Variants in TC2N observed in about 807,000 individuals in gnomAD.
The protein encoded by TC2N is tandem C2 domains, nuclear, also known as tandem C2 domains nuclear protein.
Under a neutral mutation model 61.9 loss-of-function variants are expected in TC2N, and 51 were observed. That is an observed-to-expected ratio of 0.82 (90% CI 0.66 to 1.04). The LOEUF (loss-of-function observed/expected upper bound fraction) is 1.04. Among genes scored for constraint, TC2N ranks in the 50% least tolerant of loss-of-function variants. TC2N has a pLI of 0.00. For synonymous variants in TC2N, 204 were observed against 192.6 expected (o/e 1.06, Z -0.49); for missense variants, 556 against 566.7 (o/e 0.98, Z 0.19).
At chr14:91,848,820 T>C (rs1888319113) in intron 1 of TC2N, among the ~76,000 whole-genome samples, 1 of 152,212 alleles carries the variant, frequency 6.6e-6, no homozygotes, top group Admixed American at 6.5e-5. Context: ...TTCGTATCAT[T>C]TGTTGCTGCA....
Position 91,782,813 on chromosome 14 carries a change from T to C in TC2N, c.*287A>G, listed in dbSNP as rs898973277. 9.9e-6 allele frequency: 3 copies of C among 301,564 alleles called. No homozygotes were observed. Among genetic ancestry groups the C allele is most frequent in the East Asian group, 7.0e-5 (1 of 14,334 alleles). The allele number at this position is 301,564 out of a possible 1,614,324, so 18.7% of individuals were successfully genotyped here. ...ATAATATAGAAAGAACTATCTATGG[T>C]TGATATTCTCACAGACTTTATAATT... is the stretch of plus-strand genomic sequence containing the variant. On this transcript the variant is annotated 3_prime_UTR_variant, in exon 12 of 12. Coordinates refer to ENST00000435962, the MANE Select transcript of TC2N (RefSeq NM_001128596.3).
At chr14:91,850,426 T>A (rs949483846) in intron 1 of TC2N, among the ~76,000 whole-genome samples, 5 of 152,216 alleles carry the variant, frequency 3.3e-5, no homozygotes, top group African/African-American at 1.2e-4. Context: ...AGTACCAGCC[T>A]GTGGCCTATT....
intron 8 of TC2N, among the ~76,000 whole-genome samples, chr14:91,796,283 C>T (rs1043004545): frequency 6.6e-6 from 1 of 151,976 alleles, no homozygotes; most frequent in Non-Finnish European, 1.5e-5. Flanking sequence ...CATATATACA[C>T]ATTCATACAC....
At chr14:91,784,331 A>C (rs1952589685) in intron 11 of TC2N, among the ~76,000 whole-genome samples, 1 of 152,190 alleles carries the variant, frequency 6.6e-6, no homozygotes, top group African/African-American at 2.4e-5. Context: ...CTTAAATTCA[A>C]GCTCTTTTCC....
At chr14:91,789,935 G>C (rs189507724) in intron 9 of TC2N, among the ~76,000 whole-genome samples, 144 of 152,242 alleles carry the variant, frequency 9.5e-4, no homozygotes, top group African/African-American at 3.4e-3. Context: ...AGAACATCAC[G>C]ATCTGGTGAT....
At chr14:91,814,684 AG>A (rs1435193494) in intron 1 of TC2N, among the ~76,000 whole-genome samples, 3 of 151,648 alleles carry the variant, frequency 2.0e-5, no homozygotes, top group African/African-American at 7.2e-5. Flanking sequence ...AGATGAGAAA[AG>A]GGGAAAAAGA....
intron 1 of TC2N, among the ~76,000 whole-genome samples, chr14:91,863,829 C>CAAA (rs35582740): frequency 2.3e-4 from 14 of 60,988 alleles, no homozygotes; most frequent in Non-Finnish European, 3.4e-4. Flanking sequence ...TCCATCTCTA[C>CAAA]AAAAAAAAAA....
At chr14:91,844,760 CAAAAAAAA>C (rs34223127) in intron 1 of TC2N, among the ~76,000 whole-genome samples, 2 of 92,558 alleles carry the variant, frequency 2.2e-5, no homozygotes, top group Non-Finnish European at 4.1e-5. Context: ...GACTCTGTCT[CAAAAAAAA>C]AAAAAAAAAA....
At chr14:91,790,590 G>A (rs1347378997) in intron 9 of TC2N, among the ~76,000 whole-genome samples, 1 of 152,108 alleles carries the variant, frequency 6.6e-6, no homozygotes, top group African/African-American at 2.4e-5. Context: ...TAGAAATTTA[G>A]CCATAATTAT....
chr14:91,813,403 G>A (rs1431568244), intron 2 of TC2N, among the ~76,000 whole-genome samples: 1 of 151,532 alleles, frequency 6.6e-6, no homozygotes, highest in Non-Finnish European at 1.5e-5. Context: ...CACCTGTAAT[G>A]CCCATGTCCA....
intron 1 of TC2N, among the ~76,000 whole-genome samples, chr14:91,838,496 A>AT (rs1245998051): frequency 6.6e-6 from 1 of 152,210 alleles, no homozygotes; most frequent in African/African-American, 2.4e-5. Context: ...CACTAGATTC[A>AT]TGTGTTAGTT....
intron 3 of TC2N, 28 bp from the exon 4 acceptor site, chr14:91,802,449 T>A (rs540370000): frequency 6.2e-7 from 1 of 1,604,248 alleles, no homozygotes; most frequent in African/African-American, 1.3e-5. Flanking sequence ...TAAAAGTTTA[T>A]AACATCCTTT....
Position 91,792,490 on chromosome 14 carries a change from T to C in TC2N, c.924A>G (p.Val308=), listed in dbSNP as rs775381046. The change falls in exon 9 of 12, where the codon GTA becomes GTG. Residue 308 remains valine (V), a synonymous_variant. Coordinates refer to ENST00000435962, the MANE Select transcript of TC2N (RefSeq NM_001128596.3). ...KLQNLQTVRL[V]FKIQTQTPRK... is the part of the protein sequence containing the mutation. ...TGGGAGTCTGGGTTTGAATCTTAAATACAAGTCTTACAGTTTGTAGATTTT... is the reference window on the plus strand; with the variant it reads ...TGGGAGTCTGGGTTTGAATCTTAAACACAAGTCTTACAGTTTGTAGATTTT... 5.5e-5 allele frequency: 88 copies of C among 1,609,638 alleles called. No homozygotes were observed. The highest frequency in any genetic ancestry group is 3.5e-4 in the Admixed American group (21 of 59,966).
chr14:91,818,568 G>GA (rs995636422), intron 1 of TC2N, among the ~76,000 whole-genome samples: 18 of 149,416 alleles, frequency 1.2e-4, no homozygotes, highest in South Asian at 2.1e-4. Flanking sequence ...TAATGAAGAG[G>GA]AAAAAAAAAT....
At chr14:91,797,736 TAAA>T (rs71120197) in intron 8 of TC2N, 46 bp downstream of exon 8, 399 of 886,286 alleles carry the variant, frequency 4.5e-4, no homozygotes, top group Admixed American at 6.2e-4. Flanking sequence ...GTGACAAATA[TAAA>T]AAAAAAAAAA....
intron 11 of TC2N, among the ~76,000 whole-genome samples, chr14:91,784,498 T>C (rs138134217): frequency 1.1e-3 from 162 of 152,278 alleles, no homozygotes; most frequent in African/African-American, 3.0e-3. Flanking sequence ...TTGAAGCTTT[T>C]AAACCAATAA....
chr14:91,810,831 A>G (rs372100788), intron 3 of TC2N, among the ~76,000 whole-genome samples: 58 of 152,104 alleles, frequency 3.8e-4, no homozygotes, highest in African/African-American at 1.3e-3. Flanking sequence ...AAAGATCAAT[A>G]TTATTGAATC....
intron 3 of TC2N, among the ~76,000 whole-genome samples, chr14:91,804,676 ATTAT>A (rs1288839308): frequency 2.0e-5 from 3 of 152,218 alleles, no homozygotes; most frequent in Admixed American, 1.3e-4. Flanking sequence ...GACTGAATAA[ATTAT>A]TTATATTAAG....
rs147954459 is a variant in TC2N at position 91,781,404 on chromosome 14, A to T, written c.*1696T>A. Reference sequence around the variant, plus strand: ...AAACCATGAACTTTGGATGATAATGATGTTTCAGAGTAGGTTCATTGATTG... The same window carrying T: ...AAACCATGAACTTTGGATGATAATGTTGTTTCAGAGTAGGTTCATTGATTG... On this transcript the variant is annotated 3_prime_UTR_variant, in exon 12 of 12. Coordinates refer to ENST00000435962, the MANE Select transcript of TC2N (RefSeq NM_001128596.3). 1.4e-3 allele frequency: 209 copies of T among 152,222 alleles called. No individual in the cohort carries two copies. The highest frequency in any genetic ancestry group is 4.7e-3 in the African/African-American group (195 of 41,566). 9.4% of individuals were successfully genotyped at this position (152,222 alleles called of 1,614,324 possible).
Sources: allele counts gnomAD v4.1 joint callset (sites outside exome capture counted in the v4.1 genomes callset), GRCh38; gene constraint gnomAD v4.1.1; transcripts MANE v1.5; gene names NCBI Gene and HGNC (gene_info 2026-07-23, HGNC 2026-07-21).